CSMD1: variants seen among roughly 807,000 people sequenced by gnomAD.
The protein encoded by CSMD1 is CUB and Sushi multiple domains 1.
Under a neutral mutation model 417.5 loss-of-function variants are expected in CSMD1, and 213 were observed. The ratio of observed to expected loss-of-function variants is 0.51; its 90% CI spans 0.46 to 0.57. The LOEUF (loss-of-function observed/expected upper bound fraction) is 0.57. Among genes scored for constraint, CSMD1 ranks in the 20% least tolerant of loss-of-function variants. CSMD1 has a pLI of 0.00. For synonymous variants in CSMD1, 2,862 were observed against 1,736.8 expected, an observed-to-expected ratio of 1.65 and a Z score of -16.11; for missense variants, 6,923 against 4,529.7, an observed-to-expected ratio of 1.53 and a Z score of -15.17.
intron 3 of CSMD1, among the ~76,000 whole-genome samples, chr8:4,361,495 A>G (rs1801759149): frequency 1.3e-5 from 2 of 152,144 alleles, no homozygotes; most frequent in Non-Finnish European, 2.9e-5. Flanking sequence ...CACTTTACAG[A>G]TTAGAAGACG....
chr8:2,983,350 C>T (rs1035424896), intron 54 of CSMD1, among the ~76,000 whole-genome samples: 1 of 152,060 alleles, frequency 6.6e-6, no homozygotes, highest in East Asian at 1.9e-4. Context: ...CCATGCCTGG[C>T]TAATTTTTTG....
intron 12 of CSMD1, among the ~76,000 whole-genome samples, chr8:3,462,345 G>A (rs1370699336): frequency 6.6e-6 from 1 of 152,106 alleles, no homozygotes; most frequent in Non-Finnish European, 1.5e-5. Flanking sequence ...CCCAGGCCAG[G>A]GACCAGTACT....
In CSMD1 at chr8:3,685,173, G is replaced by C. The variant is rs185344636; in HGVS notation, c.1009+23241C>G. Among the ~76,000 whole-genome samples the C allele has an allele frequency of 1.9e-4, 29 of 152,222 alleles. No individual in the cohort carries two copies. The East Asian group carries it at 5.4e-3, about 28-fold the overall frequency. On this transcript the variant is annotated intron_variant, in intron 7 of 69. Transcript: ENST00000635120. ...CATTTCAGTCACATTTAAATTGATGGATAAAATCAAATCCAAAGTTGCAAA... is the reference window on the plus strand; with the variant it reads ...CATTTCAGTCACATTTAAATTGATGCATAAAATCAAATCCAAAGTTGCAAA...
rs191451422 is a variant in CSMD1 at position 4,043,468 on chromosome 8, G to A, written c.416-11369C>T. On this transcript the variant is annotated intron_variant, in intron 3 of 69. Transcript: ENST00000635120. ...TGATAATGGATGAAAAATACACCCA[G>A]TGTTATGTTGTCTTCAAAAAAAAGT... Among the ~76,000 whole-genome samples, 98 of 152,288 alleles carry A rather than the reference G, an allele frequency of 6.4e-4. 2 individuals are homozygous for A. Among genetic ancestry groups the A allele is most frequent in the African/African-American group, 2.3e-3 (95 of 41,560 alleles).
chr8:4,666,144 A>T lies in CSMD1; in HGVS notation c.86-28586T>A, dbSNP rs181756543. On this transcript the variant is annotated intron_variant, in intron 1 of 69. Coordinates refer to ENST00000635120, the MANE Select transcript of CSMD1 (RefSeq NM_033225.6). ...GAGCATCTTCTGATGTGCCTGTCAT[A>T]CAGCACATCCTGGGATGCAGAATAA... Among the ~76,000 whole-genome samples, 13 of 152,242 alleles carry T rather than the reference A, an allele frequency of 8.5e-5. No homozygotes were observed. The East Asian group carries it at 2.5e-3, about 29-fold the overall frequency.
chr8:4,611,656 G>C (rs578100587), intron 2 of CSMD1, among the ~76,000 whole-genome samples: 147 of 152,240 alleles, frequency 9.7e-4, no homozygotes, highest in African/African-American at 3.5e-3. Context: ...AAGAGAAAAA[G>C]TGTGTCTTGT....
intron 23 of CSMD1, among the ~76,000 whole-genome samples, chr8:3,320,286 C>G (rs1226787802): frequency 6.6e-6 from 1 of 152,168 alleles, no homozygotes; most frequent in East Asian, 1.9e-4. Flanking sequence ...TTCCCAAATT[C>G]TGTCCCGGAC....
At chr8:3,647,253 C>G (rs1028953064) in intron 7 of CSMD1, among the ~76,000 whole-genome samples, 9 of 152,172 alleles carry the variant, frequency 5.9e-5, no homozygotes, top group Admixed American at 5.9e-4. Flanking sequence ...TGAGTAACAA[C>G]TCAGATAAAA....
chr8:4,490,533 T>C (rs1801647396), intron 2 of CSMD1, among the ~76,000 whole-genome samples: 1 of 152,190 alleles, frequency 6.6e-6, no homozygotes, highest in Non-Finnish European at 1.5e-5. Context: ...CCACGTTCCA[T>C]GAACTGTCAT....
intron 3 of CSMD1, among the ~76,000 whole-genome samples, chr8:4,392,086 G>C (rs1029721457): frequency 1.3e-5 from 2 of 152,196 alleles, no homozygotes; most frequent in African/African-American, 4.8e-5. Flanking sequence ...GCAGCTGCAT[G>C]AGTGTCCAAG....
chr8:3,916,563 G>T (rs767066058), intron 5 of CSMD1, among the ~76,000 whole-genome samples: 5 of 152,120 alleles, frequency 3.3e-5, no homozygotes, highest in African/African-American at 7.2e-5. Flanking sequence ...TATGTATGAA[G>T]TATGATTGTA....
At chr8:3,595,527 T>C (rs899554815) in intron 8 of CSMD1, among the ~76,000 whole-genome samples, 3 of 152,160 alleles carry the variant, frequency 2.0e-5, no homozygotes, top group Admixed American at 2.0e-4. Context: ...TAATATTTTA[T>C]GTGATTTTTA....
chr8:3,233,431 A>T (rs1798965205), intron 26 of CSMD1, among the ~76,000 whole-genome samples: 1 of 152,222 alleles, frequency 6.6e-6, no homozygotes, highest in Non-Finnish European at 1.5e-5. Flanking sequence ...CTCAGCCAGC[A>T]TATTTGTGAG....
chr8:4,663,419 C>G (rs1392308076), intron 1 of CSMD1, among the ~76,000 whole-genome samples: 1 of 152,182 alleles, frequency 6.6e-6, no homozygotes, highest in East Asian at 1.9e-4. Flanking sequence ...GTCAATGTCC[C>G]TGCCGAAATC....
chr8:4,519,617 A>G (rs975805033), intron 2 of CSMD1, among the ~76,000 whole-genome samples: 2 of 151,264 alleles, frequency 1.3e-5, no homozygotes, highest in South Asian at 2.1e-4. Context: ...GCAGGTACCT[A>G]TAATCCCAGC....
intron 3 of CSMD1, among the ~76,000 whole-genome samples, chr8:4,075,240 A>C (rs1473154326): frequency 6.6e-6 from 1 of 152,206 alleles, no homozygotes. Context: ...TTAAGGACTT[A>C]GGATAATCTA....
chr8:4,491,286 G>C (rs1425851361), intron 2 of CSMD1, among the ~76,000 whole-genome samples: 1 of 152,152 alleles, frequency 6.6e-6, no homozygotes, highest in Non-Finnish European at 1.5e-5. Flanking sequence ...ATCCCAAGAG[G>C]AGATGCCTGA....
intron 3 of CSMD1, among the ~76,000 whole-genome samples, chr8:4,368,508 C>T (rs915107283): frequency 2.0e-5 from 3 of 152,132 alleles, no homozygotes; most frequent in African/African-American, 7.2e-5. Flanking sequence ...AGAGAAGTCC[C>T]TCTTTCTCAA....
intron 2 of CSMD1, among the ~76,000 whole-genome samples, chr8:4,579,259 A>G (rs1485524203): frequency 7.1e-6 from 1 of 140,882 alleles, no homozygotes; most frequent in Non-Finnish European, 1.5e-5. Context: ...ACATACATAC[A>G]TATATATACA....
Sources: gnomAD v4.1 joint callset for allele counts (sites outside exome capture counted in the v4.1 genomes callset) on GRCh38, gnomAD v4.1.1 for gene constraint, MANE v1.5 for transcripts, NCBI Gene and HGNC (gene_info 2026-07-23, HGNC 2026-07-21) for gene names.